Variants in ELK3 observed in about 807,000 individuals in gnomAD.
The protein encoded by ELK3 is ETS transcription factor ELK3, also known as ETS domain-containing protein Elk-3.
Under a neutral mutation model 28.9 loss-of-function variants are expected in ELK3, and 10 were observed. The observed-to-expected ratio is 0.35, with a 90% CI of 0.21 to 0.59. ELK3 has a LOEUF of 0.59. Ranked by LOEUF, ELK3 falls within the 20% of genes least tolerant of loss-of-function variation. ELK3 has a pLI of 0.82. For synonymous variants in ELK3, 272 were observed against 243.5 expected (o/e 1.12, Z -1.09); for missense variants, 463 against 517.3 (o/e 0.90, Z 1.02).
chr12:96,196,434 G>C (rs1363932268), intron 1 of ELK3, among the ~76,000 whole-genome samples: 4 of 151,630 alleles, frequency 2.6e-5, no homozygotes, highest in Non-Finnish European at 4.4e-5. Context: ...GGGGGGTGTG[G>C]AGCATGTTCC....
Position 96,247,022 on chromosome 12 carries a change from C to T in ELK3, c.290C>T (p.Ala97Val), listed in dbSNP as rs765550323. The stretch of plus-strand genomic sequence containing the variant: ...GAGATCCTGAAGATGGATCCTCACG[C>T]GGTGGAGATCAGCCGGGAGAGCCTT... The part of the protein sequence containing the change: ...FPEILKMDPH[A>V]VEISRESLLL... Residue 97 changes from alanine (A) to valine (V), a missense_variant, in exon 3 of 5, where the codon GCG becomes GTG. Ala to Val is a moderately conservative substitution (Grantham distance 64). Coordinates refer to ENST00000228741, the MANE Select transcript of ELK3 (RefSeq NM_005230.4). This position sits in a 1 kb window ranked among gnomAD's most constrained non-coding sequence, Gnocchi z 5.5. 76 of 1,614,172 alleles carry T rather than the reference C, an allele frequency of 4.7e-5. No individual in the cohort carries two copies. Among genetic ancestry groups the T allele is most frequent in the South Asian group, 1.6e-4 (15 of 91,084 alleles).
chr12:96,265,255 T>C (rs1952021341), intron 4 of ELK3, among the ~76,000 whole-genome samples: 1 of 152,192 alleles, frequency 6.6e-6, no homozygotes, highest in African/African-American at 2.4e-5. Flanking sequence ...AGAGAAACTA[T>C]GTCCATTGAG....
chr12:96,199,672 G>A (rs1348503055), intron 1 of ELK3, among the ~76,000 whole-genome samples: 1 of 152,142 alleles, frequency 6.6e-6, no homozygotes, highest in Non-Finnish European at 1.5e-5. Context: ...TATGTCAGCA[G>A]TTTTAAAGTA....
chr12:96,233,845 G>T (rs1171177798), intron 2 of ELK3, among the ~76,000 whole-genome samples: 3 of 152,194 alleles, frequency 2.0e-5, no homozygotes, highest in Admixed American at 2.0e-4. Context: ...TCGATCGAGG[G>T]GGCCCTCTGT....
chr12:96,245,773 G>A (rs1043010818), intron 2 of ELK3, among the ~76,000 whole-genome samples: 2 of 152,020 alleles, frequency 1.3e-5, no homozygotes, highest in Non-Finnish European at 2.9e-5. Flanking sequence ...GTTCGGCAGG[G>A]AATTAAAGTA....
In ELK3 at chr12:96,268,235, A is replaced by G. The variant is rs901761367; in HGVS notation, c.*1055A>G. On this transcript the variant is annotated 3_prime_UTR_variant, in exon 5 of 5. Transcript: ENST00000228741. ...TTCATCAGTATAGGTAGGTGTTCACAATTTTTGATGGATCAAAAACTTGCT... is the reference window on the plus strand; with the variant it reads ...TTCATCAGTATAGGTAGGTGTTCACGATTTTTGATGGATCAAAAACTTGCT... The G allele has an allele frequency of 3.9e-5, 6 of 152,236 alleles. No homozygotes were observed. The highest frequency in any genetic ancestry group is 1.4e-4 in the African/African-American group (6 of 41,452). 9.4% of individuals were successfully genotyped at this position (152,236 alleles called of 1,614,324 possible). A position where few individuals can be genotyped will look rare whatever the true frequency, so the allele number is the denominator to read the frequency against.
chr12:96,244,334 A>G (rs1026136128), intron 2 of ELK3, among the ~76,000 whole-genome samples: 1 of 152,066 alleles, frequency 6.6e-6, no homozygotes, highest in African/African-American at 2.4e-5. Context: ...CCATTTTTTG[A>G]GCAGGAGAGA....
intron 1 of ELK3, among the ~76,000 whole-genome samples, chr12:96,200,052 C>T (rs2136998143): frequency 6.6e-6 from 1 of 151,966 alleles, no homozygotes; most frequent in South Asian, 2.1e-4. Flanking sequence ...TATCTAGATA[C>T]CTTCTCTTTT....
At chr12:96,238,476 G>A (rs1419192000) in intron 2 of ELK3, among the ~76,000 whole-genome samples, 1 of 152,234 alleles carries the variant, frequency 6.6e-6, no homozygotes, top group Admixed American at 6.5e-5. Context: ...CCTTGTGTGA[G>A]CTGCTGCTGG....
intron 1 of ELK3, among the ~76,000 whole-genome samples, chr12:96,215,858 TC>T (rs1175226862): frequency 6.6e-6 from 1 of 152,074 alleles, no homozygotes; most frequent in Non-Finnish European, 1.5e-5. Flanking sequence ...GGTCTCGAAT[TC>T]CTGGGCTCAA....
At position 96,233,360 on chromosome 12, in the gene ELK3, G is replaced by A. The variant is rs1186288440; in HGVS notation, c.207+9587G>A. Among the ~76,000 whole-genome samples, 5 of 152,232 alleles carry A rather than the reference G, an allele frequency of 3.3e-5. No homozygotes were observed. The South Asian group carries it at 8.3e-4, about 25-fold the overall frequency. Reference sequence around the variant, plus strand: ...CATTCAACCCCGGGGGAGGCTGAAAGCTCTGCTGGCTCCCTTCTCATCAAG... The same window carrying A: ...CATTCAACCCCGGGGGAGGCTGAAAACTCTGCTGGCTCCCTTCTCATCAAG... On this transcript the variant is annotated intron_variant, in intron 2 of 4. Coordinates refer to ENST00000228741, the MANE Select transcript of ELK3 (RefSeq NM_005230.4).
intron 2 of ELK3, among the ~76,000 whole-genome samples, chr12:96,232,570 CA>C (rs750868252): frequency 2.1e-4 from 17 of 81,226 alleles, no homozygotes; most frequent in African/African-American, 2.3e-4. Context: ...GGCTCCATCT[CA>C]AAAAAAAAAA....
chr12:96,233,192 C>G (rs1308139441), intron 2 of ELK3, among the ~76,000 whole-genome samples: 2 of 152,150 alleles, frequency 1.3e-5, no homozygotes, highest in African/African-American at 4.8e-5. Flanking sequence ...GCTCTGGTAT[C>G]CCCATAATGT....
intron 1 of ELK3, among the ~76,000 whole-genome samples, chr12:96,204,624 C>G (rs1951528719): frequency 6.6e-6 from 1 of 152,050 alleles, no homozygotes; most frequent in South Asian, 2.1e-4. Flanking sequence ...CAAAATAAGC[C>G]CGAAATTATT....
intron 2 of ELK3, among the ~76,000 whole-genome samples, chr12:96,232,581 ATAAAT>A (rs1951750135): frequency 6.6e-6 from 1 of 150,910 alleles, no homozygotes; most frequent in Admixed American, 6.6e-5. Context: ...AAAAAAAAAA[ATAAAT>A]AAAAATACAT....
At chr12:96,205,902 A>G (rs761156108) in intron 1 of ELK3, among the ~76,000 whole-genome samples, 10 of 152,244 alleles carry the variant, frequency 6.6e-5, no homozygotes, top group Non-Finnish European at 1.3e-4. Context: ...TGTACCATTA[A>G]TTCTCGATGC....
intron 1 of ELK3, among the ~76,000 whole-genome samples, chr12:96,203,855 C>A (rs1230889273): frequency 6.6e-6 from 1 of 152,148 alleles, no homozygotes; most frequent in African/African-American, 2.4e-5. Flanking sequence ...GCAGGAGAAT[C>A]GCTTGAACCC....
intron 1 of ELK3, among the ~76,000 whole-genome samples, chr12:96,217,248 CGAAAA>C (rs936124993): frequency 2.6e-5 from 4 of 152,170 alleles, no homozygotes; most frequent in African/African-American, 7.2e-5. Context: ...GAGACCTAGT[CGAAAA>C]GAAAAGAATT....
At chr12:96,206,048 T>C (rs780272624) in intron 1 of ELK3, among the ~76,000 whole-genome samples, 1 of 152,310 alleles carries the variant, frequency 6.6e-6, no homozygotes, top group East Asian at 1.9e-4. Flanking sequence ...TCTCAAAGGA[T>C]TGGGGGTCAC....
Sources: gnomAD v4.1 joint callset for allele counts (sites outside exome capture counted in the v4.1 genomes callset) on GRCh38, gnomAD v4.1.1 for gene constraint, Gnocchi (gnomAD v3.1) non-coding constraint, MANE v1.5 for transcripts, NCBI Gene and HGNC (gene_info 2026-07-23, HGNC 2026-07-21) for gene names.